FBXW7: variants seen among roughly 807,000 people sequenced by gnomAD.
The protein encoded by FBXW7 is F-box and WD repeat domain containing 7.
FBXW7 carries 11 observed loss-of-function variants against 86.3 expected under a neutral mutation model. That is an observed-to-expected ratio of 0.13 (90% CI 0.08 to 0.21). The LOEUF (loss-of-function observed/expected upper bound fraction) is 0.21, where lower values mean the gene tolerates loss of function less well. Ranked by LOEUF, FBXW7 falls within the 10% of genes least tolerant of loss-of-function variation. The pLI, the probability that FBXW7 is intolerant of heterozygous loss-of-function variation, is 1.00. For synonymous variants in FBXW7, 313 were observed against 297.9 expected (o/e 1.05, Z -0.52); for missense variants, 488 against 847.4 (o/e 0.58, Z 5.27).
chr4:152,347,496 C>T (rs777534537), intron 5 of FBXW7, among the ~76,000 whole-genome samples: 2 of 152,112 alleles, frequency 1.3e-5, no homozygotes, highest in Non-Finnish European at 1.5e-5. Flanking sequence ...TTAAAAAACT[C>T]AGACATAGAA....
At chr4:152,480,355 T>C (rs1744768393) in intron 2 of FBXW7, among the ~76,000 whole-genome samples, 1 of 148,038 alleles carries the variant, frequency 6.8e-6, no homozygotes, top group Non-Finnish European at 1.5e-5. Context: ...ATGTTGCATG[T>C]GTTCTGACTG....
chr4:152,368,436 A>C (rs1375938735), intron 4 of FBXW7, among the ~76,000 whole-genome samples: 1 of 152,008 alleles, frequency 6.6e-6, no homozygotes, highest in Non-Finnish European at 1.5e-5. Context: ...TTAAATATGG[A>C]ATTTCTGTAT....
chr4:152,362,616 T>C (rs937072638), intron 4 of FBXW7, among the ~76,000 whole-genome samples: 1 of 151,652 alleles, frequency 6.6e-6, no homozygotes, highest in Non-Finnish European at 1.5e-5. Context: ...CAAGATCAAG[T>C]TCACCAGGCC....
intron 2 of FBXW7, among the ~76,000 whole-genome samples, chr4:152,526,318 G>T (rs1749511053): frequency 6.6e-6 from 1 of 151,992 alleles, no homozygotes; most frequent in Admixed American, 6.6e-5. Context: ...ATGAAGGAAA[G>T]CATACCAAAA....
rs956271899 is a variant in FBXW7 at position 152,425,646 on chromosome 4, G to GA, written c.-119-13118dup. Among the ~76,000 whole-genome samples the GA allele has an allele frequency of 1.4e-3, 192 of 133,094 alleles. 1 individual carries two copies. Among genetic ancestry groups the GA allele is most frequent in the Admixed American group, 2.5e-3 (33 of 13,326 alleles). The allele number at this position is 133,094 out of a possible 152,430, so 87.3% of individuals were successfully genotyped here. On this transcript the variant is annotated intron_variant, in intron 2 of 13. Transcript: ENST00000281708. The stretch of plus-strand genomic sequence containing the variant: ...AATATAACCACAGTGTTGACATGAA[G>GA]AAAAAAAAAAAAAGAAATCCATATG...
At chr4:152,398,303 A>T (rs1219823884) in intron 4 of FBXW7, among the ~76,000 whole-genome samples, 1 of 151,854 alleles carries the variant, frequency 6.6e-6, no homozygotes, top group Non-Finnish European at 1.5e-5. Context: ...TTCTTAAGGA[A>T]TTGTGTGCTT....
intron 2 of FBXW7, among the ~76,000 whole-genome samples, chr4:152,468,124 G>A (rs1490983151): frequency 6.6e-6 from 1 of 152,036 alleles, no homozygotes; most frequent in Non-Finnish European, 1.5e-5. Flanking sequence ...TAGAATGGCT[G>A]AAATACAAAA....
intron 2 of FBXW7, among the ~76,000 whole-genome samples, chr4:152,449,986 T>C (rs1741764792): frequency 6.6e-6 from 1 of 152,184 alleles, no homozygotes; most frequent in Non-Finnish European, 1.5e-5. Flanking sequence ...AATAAACACC[T>C]TGAATTAAAA....
At chr4:152,477,858 G>C (rs1295919775) in intron 2 of FBXW7, among the ~76,000 whole-genome samples, 1 of 152,044 alleles carries the variant, frequency 6.6e-6, no homozygotes, top group African/African-American at 2.4e-5. Flanking sequence ...ATGTGAAACA[G>C]AAAGGACAAT....
At chr4:152,438,654 G>A (rs1356535037) in intron 2 of FBXW7, among the ~76,000 whole-genome samples, 4 of 152,132 alleles carry the variant, frequency 2.6e-5, no homozygotes, top group African/African-American at 9.7e-5. Flanking sequence ...GAGCCTGGGT[G>A]ACAGACTGAG....
intron 7 of FBXW7, among the ~76,000 whole-genome samples, chr4:152,334,028 C>G (rs920588672): frequency 9.2e-5 from 14 of 151,838 alleles, no homozygotes; most frequent in Non-Finnish European, 1.6e-4. Flanking sequence ...CACTCCAGCC[C>G]GGGCGACAGA....
At chr4:152,483,987 A>T (rs1457594751) in intron 2 of FBXW7, among the ~76,000 whole-genome samples, 1 of 152,144 alleles carries the variant, frequency 6.6e-6, no homozygotes, top group Non-Finnish European at 1.5e-5. Flanking sequence ...CGAACTTCTC[A>T]AAAGATAAAA....
intron 2 of FBXW7, among the ~76,000 whole-genome samples, chr4:152,470,437 T>C (rs1204191057): frequency 2.0e-5 from 3 of 152,128 alleles, no homozygotes; most frequent in African/African-American, 7.2e-5. Context: ...CTATAGAGTC[T>C]ACTGAGTTAA....
At chr4:152,470,538 C>T (rs1430072454) in intron 2 of FBXW7, among the ~76,000 whole-genome samples, 1 of 151,998 alleles carries the variant, frequency 6.6e-6, no homozygotes, top group Non-Finnish European at 1.5e-5. Context: ...AAAAATCCAT[C>T]CTATGTTGGT....
intron 5 of FBXW7, among the ~76,000 whole-genome samples, chr4:152,347,595 A>G (rs1164734695): frequency 6.6e-6 from 1 of 152,144 alleles, no homozygotes; most frequent in Non-Finnish European, 1.5e-5. Context: ...TAATATTTCT[A>G]ATTTTTTACT....
At chr4:152,415,118 T>C (rs988330839) in intron 2 of FBXW7, among the ~76,000 whole-genome samples, 3 of 152,160 alleles carry the variant, frequency 2.0e-5, no homozygotes, top group African/African-American at 7.2e-5. Context: ...AAAGTGGGCA[T>C]AGATACAGTT....
At chr4:152,514,973 G>A (rs964104334) in intron 2 of FBXW7, among the ~76,000 whole-genome samples, 3 of 152,108 alleles carry the variant, frequency 2.0e-5, no homozygotes, top group Non-Finnish European at 4.4e-5. Flanking sequence ...CTCTGTTTAC[G>A]GTCCTGAAAA....
At chr4:152,328,500 C>A in intron 10 of FBXW7, 111 bp from the exon 11 acceptor site, 1 of 669,076 alleles carries the variant, frequency 1.5e-6, no homozygotes, top group Non-Finnish European at 2.4e-6. Flanking sequence ...ATTTGTTTGG[C>A]TCTTCAGAAA....
chr4:152,486,084 G>C (rs527774451), intron 2 of FBXW7, among the ~76,000 whole-genome samples: 1 of 152,160 alleles, frequency 6.6e-6, no homozygotes, highest in African/African-American at 2.4e-5. Flanking sequence ...AGAATATCTA[G>C]ACATAGAAAA....
Sources: allele counts gnomAD v4.1 joint callset (sites outside exome capture counted in the v4.1 genomes callset), GRCh38; gene constraint gnomAD v4.1.1; transcripts MANE v1.5; gene names NCBI Gene and HGNC (gene_info 2026-07-23, HGNC 2026-07-21).